GRM7: variants seen among roughly 807,000 people sequenced by gnomAD.
GRM7 encodes the protein metabotropic glutamate receptor 7.
Under a neutral mutation model 84.5 loss-of-function variants are expected in GRM7, and 35 were observed. The observed-to-expected ratio is 0.41, with a 90% confidence interval of 0.32 to 0.55. The LOEUF (loss-of-function observed/expected upper bound fraction) is 0.55. Ranked by LOEUF, GRM7 falls within the 20% of genes least tolerant of loss-of-function variation. The probability of loss-of-function intolerance (pLI) is 0.19; values close to 1 mark genes in which losing one functional copy is unlikely to be tolerated. For synonymous variants in GRM7, 487 were observed against 455.1 expected (o/e 1.07, Z -0.89); for missense variants, 1,003 against 1,194.6 (o/e 0.84, Z 2.36).
At chr3:7,069,014 C>T (rs1483660585) in intron 1 of GRM7, among the ~76,000 whole-genome samples, 1 of 151,236 alleles carries the variant, frequency 6.6e-6, no homozygotes, top group East Asian at 1.9e-4. Context: ...TAATATCAGC[C>T]TAAGGCTTGT....
intron 5 of GRM7, among the ~76,000 whole-genome samples, chr3:7,449,330 G>C (rs1301415549): frequency 1.3e-5 from 2 of 152,080 alleles, no homozygotes; most frequent in African/African-American, 4.8e-5. Context: ...AGAAGCAAAA[G>C]TAGACTTGAG....
intron 1 of GRM7, among the ~76,000 whole-genome samples, chr3:7,126,849 T>C (rs1279614037): frequency 6.6e-6 from 1 of 152,220 alleles, no homozygotes; most frequent in African/African-American, 2.4e-5. Flanking sequence ...GTGATGTTTC[T>C]CCATTCTTTC....
intron 9 of GRM7, among the ~76,000 whole-genome samples, chr3:7,699,821 A>G (rs1197595813): frequency 6.6e-6 from 1 of 152,206 alleles, no homozygotes; most frequent in East Asian, 1.9e-4. Context: ...ATTGCCTAAC[A>G]AAAGTTATCT....
At chr3:7,680,415 G>C (rs2125141001) in intron 9 of GRM7, 120 bp downstream of exon 9, 2 of 1,031,536 alleles carry the variant, frequency 1.9e-6, no homozygotes, top group East Asian at 4.8e-5. Flanking sequence ...GGGCTGGGTT[G>C]CCTTGGTGAA....
intron 5 of GRM7, among the ~76,000 whole-genome samples, chr3:7,426,064 C>T (rs1248879875): frequency 6.6e-6 from 1 of 151,902 alleles, no homozygotes; most frequent in Non-Finnish European, 1.5e-5. Flanking sequence ...AATTCCTCAA[C>T]ATTTAAGACA....
At chr3:7,116,384 A>G (rs1272541549) in intron 1 of GRM7, among the ~76,000 whole-genome samples, 2 of 152,162 alleles carry the variant, frequency 1.3e-5, no homozygotes, top group Admixed American at 6.6e-5. Flanking sequence ...ATATAAAACC[A>G]TCTGTCATTA....
At chr3:7,111,772 T>C (rs1455869988) in intron 1 of GRM7, among the ~76,000 whole-genome samples, 2 of 152,180 alleles carry the variant, frequency 1.3e-5, no homozygotes, top group Non-Finnish European at 2.9e-5. Flanking sequence ...TACCTGGTTG[T>C]CTTCATTTTG....
intron 9 of GRM7, among the ~76,000 whole-genome samples, chr3:7,707,935 T>TG (rs200296861): frequency 0.02 from 2,961 of 150,104 alleles, 100 homozygotes; most frequent in African/African-American, 0.069. Context: ...TTTCAATTTT[T>TG]TTTTTTTTTT....
rs78672564 is a variant in GRM7 at position 6,918,043 on chromosome 3, C to T, written c.519+56136C>T. The stretch of plus-strand genomic sequence containing the variant: ...TCCTTTTTAAGCAGTCATATAACAA[C>T]GACATTTAAAATATTTGCTTGCTTT... On this transcript the variant is annotated intron_variant, in intron 1 of 9. Coordinates refer to ENST00000357716, the MANE Select transcript of GRM7 (RefSeq NM_000844.4). Among the ~76,000 whole-genome samples, 584 of 152,238 alleles carry T rather than the reference C, an allele frequency of 3.8e-3. 6 individuals are homozygous for T. The highest frequency in any genetic ancestry group is 0.013 in the African/African-American group (525 of 41,556).
chr3:7,002,082 A>G lies in GRM7; in HGVS notation c.519+140175A>G, dbSNP rs370761172. On this transcript the variant is annotated intron_variant, in intron 1 of 9. Transcript: ENST00000357716. Reference sequence around the variant, plus strand: ...TGGGAAACTTTCTAGACAATTTGGAAGACTTTCTTATATCTCTTGCTTTAG... The same window carrying G: ...TGGGAAACTTTCTAGACAATTTGGAGGACTTTCTTATATCTCTTGCTTTAG... 9.6e-4 allele frequency among the ~76,000 whole-genome samples: 146 copies of G among 152,348 alleles called. 1 individual carries two copies. In the South Asian group the frequency reaches 0.03, roughly 31 times the overall value.
intron 1 of GRM7, among the ~76,000 whole-genome samples, chr3:7,140,304 A>G (rs1451232270): frequency 6.6e-6 from 1 of 152,026 alleles, no homozygotes; most frequent in African/African-American, 2.4e-5. Flanking sequence ...GAGTATTCCA[A>G]GTAAGGGGAG....
At position 7,176,227 on chromosome 3, in the gene GRM7, AG is replaced by A. The variant is rs1268593336; in HGVS notation, c.736+29560del. ...ATAAGGAGACCTCATCTCTATAAAA[AG>A]TAAAAAAAAAAAAAAAAAAAAAAAA... On this transcript the variant is annotated intron_variant, in intron 2 of 9. Coordinates refer to ENST00000357716, the MANE Select transcript of GRM7 (RefSeq NM_000844.4). Among the ~76,000 whole-genome samples the A allele has an allele frequency of 3.2e-5, 4 of 124,700 alleles. No individual in the cohort carries two copies. The East Asian group carries it at 9.9e-4, about 31-fold the overall frequency. 81.8% of individuals were successfully genotyped at this position (124,700 alleles called of 152,430 possible).
intron 1 of GRM7, among the ~76,000 whole-genome samples, chr3:7,037,046 T>C (rs752564215): frequency 7.9e-5 from 12 of 152,224 alleles, no homozygotes; most frequent in Non-Finnish European, 8.8e-5. Context: ...CATTGAAATA[T>C]TTATTAATGT....
chr3:7,271,375 C>T lies in GRM7; in HGVS notation c.737-27309C>T, dbSNP rs369261916. Among the ~76,000 whole-genome samples, 194 of 151,644 alleles carry T rather than the reference C, an allele frequency of 1.3e-3. 4 individuals carry two copies. In the East Asian group the frequency reaches 0.032, roughly 25 times the overall value. On this transcript the variant is annotated intron_variant, in intron 2 of 9. Transcript: ENST00000357716. The stretch of plus-strand genomic sequence containing the variant: ...GAGATCGAGACCATCCTGGCTAACA[C>T]GGTGAAACCCCGTCTCTACTAAAAA...
chr3:7,459,934 G>A (rs1460993419), intron 6 of GRM7, among the ~76,000 whole-genome samples: 2 of 151,598 alleles, frequency 1.3e-5, no homozygotes, highest in African/African-American at 2.4e-5. Context: ...TGTTTGTCTA[G>A]AACCCAAAAA....
chr3:7,634,079 G>A (rs3804860), intron 8 of GRM7, among the ~76,000 whole-genome samples: 68,171 of 151,948 alleles, frequency 0.45, 15,523 homozygotes, highest in East Asian at 0.63. Context: ...TTCTAACATT[G>A]TGCTTAGCAC....
intron 2 of GRM7, among the ~76,000 whole-genome samples, chr3:7,246,631 C>A (rs1697770812): frequency 6.6e-6 from 1 of 152,148 alleles, no homozygotes; most frequent in South Asian, 2.1e-4. Flanking sequence ...TCTAAATAGA[C>A]TGGCACTGGG....
At chr3:7,161,436 AAAG>A (rs2125079101) in intron 2 of GRM7, among the ~76,000 whole-genome samples, 1 of 152,156 alleles carries the variant, frequency 6.6e-6, no homozygotes, top group African/African-American at 2.4e-5. Context: ...AAAAAAAAAA[AAAG>A]AGAAATGTGT....
chr3:7,305,150 A>C (rs369869246), intron 3 of GRM7, among the ~76,000 whole-genome samples: 22 of 152,110 alleles, frequency 1.4e-4, no homozygotes, highest in African/African-American at 5.3e-4. Context: ...AAATTCCTAG[A>C]GTGTCTTAAC....
Sources: gnomAD v4.1 joint callset for allele counts (sites outside exome capture counted in the v4.1 genomes callset) on GRCh38, gnomAD v4.1.1 for gene constraint, MANE v1.5 for transcripts, NCBI Gene and HGNC (gene_info 2026-07-23, HGNC 2026-07-21) for gene names.